The following SPATA6 variants were observed in gnomAD, a reference collection of about 807,000 sequenced individuals.
SPATA6 encodes spermatogenesis-associated protein 6.
Under a neutral mutation model 65.3 loss-of-function variants are expected in SPATA6, and 56 were observed. The ratio of observed to expected loss-of-function variants is 0.86; its 90% CI spans 0.69 to 1.07. SPATA6 has a LOEUF of 1.07. SPATA6 is among the 50% of genes least tolerant of loss of function. SPATA6 has a pLI of 0.00. For synonymous variants in SPATA6, 199 were observed against 213.2 expected (o/e 0.93, Z 0.58); for missense variants, 590 against 594.8 (o/e 0.99, Z 0.08).
chr1:48,282,792 A>G, the SPATA6 span, among the ~76,000 whole-genome samples: 1 of 152,172 alleles, frequency 6.6e-6, no homozygotes, highest in Admixed American at 6.5e-5. Context: ...TCAAGGATCT[A>G]GAACTAGAAA....
At chr1:48,432,634 G>A (rs1279079828) in intron 3 of SPATA6, among the ~76,000 whole-genome samples, 2 of 152,160 alleles carry the variant, frequency 1.3e-5, no homozygotes, top group Non-Finnish European at 2.9e-5. Context: ...AAAACAACAA[G>A]TGTTGGTGAG....
chr1:48,429,006 G>C (rs960765773), intron 3 of SPATA6, among the ~76,000 whole-genome samples: 8 of 151,532 alleles, frequency 5.3e-5, no homozygotes, highest in African/African-American at 1.7e-4. Context: ...ACTATAAACC[G>C]TGATCAATTT....
At chr1:48,411,170 T>C in intron 5 of SPATA6, among the ~76,000 whole-genome samples, 1 of 152,148 alleles carries the variant, frequency 6.6e-6, no homozygotes. Context: ...TCAATTACAA[T>C]TTAAAAAATT....
intron 11 of SPATA6, among the ~76,000 whole-genome samples, chr1:48,312,664 C>G (rs1645255999): frequency 6.6e-6 from 1 of 152,172 alleles, no homozygotes; most frequent in Non-Finnish European, 1.5e-5. Context: ...AGGAATGCAG[C>G]TCCTCACCAG....
chr1:48,345,838 G>A (rs763050351), intron 11 of SPATA6, among the ~76,000 whole-genome samples: 4 of 152,016 alleles, frequency 2.6e-5, no homozygotes, highest in Non-Finnish European at 5.9e-5. Context: ...TGAAATTGAA[G>A]AAGTAATAAA....
the SPATA6 span, among the ~76,000 whole-genome samples, chr1:48,276,510 C>T: frequency 6.6e-6 from 1 of 152,094 alleles, no homozygotes; most frequent in African/African-American, 2.4e-5. Context: ...TTTAGCTGTG[C>T]CCCAGAGATT....
At chr1:48,388,000 C>G (rs908162183) in intron 8 of SPATA6, among the ~76,000 whole-genome samples, 1 of 152,180 alleles carries the variant, frequency 6.6e-6, no homozygotes, top group East Asian at 1.9e-4. Context: ...CTACCAGCAT[C>G]TGAGTAGGCC....
chr1:48,451,604 T>A lies in SPATA6; in HGVS notation c.190-4A>T. The A allele has an allele frequency of 1.2e-6, 2 of 1,610,382 alleles. No individual in the cohort carries two copies. Among genetic ancestry groups the A allele is most frequent in the Non-Finnish European group, 1.7e-6 (2 of 1,178,402 alleles). On this transcript the variant is annotated splice_region_variant and splice_polypyrimidine_tract_variant and intron_variant, in intron 2 of 12. Transcript: ENST00000371847. Reference sequence around the variant, plus strand: ...GATCTACTGCGTCCGGGAACACCTATAGTGAGACGATACAGGGAGAGGCAG... The same window carrying A: ...GATCTACTGCGTCCGGGAACACCTAAAGTGAGACGATACAGGGAGAGGCAG...
intron 11 of SPATA6, among the ~76,000 whole-genome samples, chr1:48,320,522 C>T (rs753466107): frequency 4.6e-5 from 7 of 152,172 alleles, no homozygotes; most frequent in African/African-American, 9.7e-5. Context: ...GCAAAAAGAT[C>T]TTTCAAACAT....
chr1:48,314,277 C>T (rs1390915720), intron 11 of SPATA6, among the ~76,000 whole-genome samples: 4 of 152,152 alleles, frequency 2.6e-5, no homozygotes, highest in Non-Finnish European at 5.9e-5. Flanking sequence ...CCAAAACTGA[C>T]CACATAGTTG....
At chr1:48,450,831 TGGAAA>T (rs1028409819) in intron 3 of SPATA6, among the ~76,000 whole-genome samples, 11 of 152,128 alleles carry the variant, frequency 7.2e-5, no homozygotes, top group Non-Finnish European at 1.3e-4. Context: ...GGAGGCCAAA[TGGAAA>T]GGAAAGTTAA....
chr1:48,391,374 C>CA lies in SPATA6; in HGVS notation c.868+3892dup, dbSNP rs532962472. 5.6e-3 allele frequency among the ~76,000 whole-genome samples: 765 copies of CA among 135,432 alleles called. 3 individuals are homozygous for CA. The highest frequency in any genetic ancestry group is 0.024 in the South Asian group (101 of 4,200). The allele number at this position is 135,432 out of a possible 152,430, so 88.8% of individuals were successfully genotyped here. A position where few individuals can be genotyped will look rare whatever the true frequency, so the allele number is the denominator to read the frequency against. On this transcript the variant is annotated intron_variant, in intron 8 of 12. Coordinates refer to ENST00000371847, the MANE Select transcript of SPATA6 (RefSeq NM_019073.4). ...TGGATAACAAAGCAAGATCCTGTCT[C>CA]AAAAAAAAAAAGGACAAGGATATGC...
chr1:48,368,117 A>T (rs2148847528), intron 9 of SPATA6, among the ~76,000 whole-genome samples: 1 of 152,296 alleles, frequency 6.6e-6, no homozygotes, highest in South Asian at 2.1e-4. Context: ...AATGTTGAAT[A>T]TTGGCCCCCA....
chr1:48,301,497 A>C (rs1644937070), intron 12 of SPATA6, among the ~76,000 whole-genome samples: 1 of 151,900 alleles, frequency 6.6e-6, no homozygotes, highest in African/African-American at 2.4e-5. Flanking sequence ...ACACAGCAAT[A>C]ATAATAAAAA....
chr1:48,283,795 TCTA>T, the SPATA6 span, among the ~76,000 whole-genome samples: 1 of 152,002 alleles, frequency 6.6e-6, no homozygotes, highest in South Asian at 2.1e-4. Context: ...TGCAGAGAAT[TCTA>T]CTGTTATTCT....
In SPATA6 at chr1:48,451,572, T is replaced by C; in HGVS notation, c.218A>G (p.Asp73Gly). 1.9e-6 allele frequency: 3 copies of C among 1,612,310 alleles called. No homozygotes were observed. The highest frequency in any genetic ancestry group is 2.5e-6 in the Non-Finnish European group (3 of 1,179,244). ...CTTACATTCAAGCTGTGTAACCACA[T>C]CTCCAGGATCTACTGCGTCCGGGAA... ...KVFPDAVDPGDVVTQLEYDTA... is the reference protein window; with the variant it reads ...KVFPDAVDPGGVVTQLEYDTA... The change falls in exon 3 of 13, where the codon GAT becomes GGT. Residue 73 changes from aspartate to glycine, a missense_variant. Physicochemically the swap from Asp to Gly is moderately conservative, Grantham distance 94 (BLOSUM62 -1). Coordinates refer to ENST00000371847, the MANE Select transcript of SPATA6 (RefSeq NM_019073.4).
At position 48,300,575 on chromosome 1, in the gene SPATA6, T is replaced by C. The variant is rs1644912992; in HGVS notation, c.1287-1682A>G. 2.6e-5 allele frequency among the ~76,000 whole-genome samples: 4 copies of C among 152,068 alleles called. No individual in the cohort carries two copies. In the South Asian group the frequency reaches 8.3e-4, roughly 32 times the overall value. On this transcript the variant is annotated intron_variant, in intron 12 of 12. Coordinates refer to ENST00000371847, the MANE Select transcript of SPATA6 (RefSeq NM_019073.4). ...GAAAACCCATTTTATAAGACTAGCA[T>C]TACCCTGGTACCAAAACCAGACAAA... is the stretch of plus-strand genomic sequence containing the variant.
At chr1:48,398,483 G>A (rs2147925750) in intron 7 of SPATA6, among the ~76,000 whole-genome samples, 1 of 151,784 alleles carries the variant, frequency 6.6e-6, no homozygotes, top group Middle Eastern at 3.4e-3. Context: ...TAGAAAAAAT[G>A]AATTAAAGAC....
intron 1 of SPATA6, among the ~76,000 whole-genome samples, chr1:48,454,652 C>G (rs1656865108): frequency 6.6e-6 from 1 of 152,078 alleles, no homozygotes; most frequent in Non-Finnish European, 1.5e-5. Flanking sequence ...CAGAAATTTT[C>G]TTTTCCTCAT....
Sources: allele counts gnomAD v4.1 joint callset (sites outside exome capture counted in the v4.1 genomes callset), GRCh38; gene constraint gnomAD v4.1.1; transcripts MANE v1.5; gene names NCBI Gene and HGNC (gene_info 2026-07-23, HGNC 2026-07-21).